ABCC1: variants seen among roughly 807,000 people sequenced by gnomAD.
ABCC1 encodes ATP binding cassette subfamily C member 1 (ABCC1 blood group).
Under a neutral mutation model 172.9 loss-of-function variants are expected in ABCC1, and 83 were observed. The observed-to-expected ratio is 0.48, with a 90% CI of 0.40 to 0.58. The LOEUF (loss-of-function observed/expected upper bound fraction) is 0.58. Among genes scored for constraint, ABCC1 ranks in the 20% least tolerant of loss-of-function variants. ABCC1 has a pLI of 0.00. For synonymous variants in ABCC1, 937 were observed against 825.2 expected (o/e 1.14, Z -2.32); for missense variants, 1,817 against 2,002.7 (o/e 0.91, Z 1.77).
At chr16:16,098,520 G>C (rs2051581371) in intron 19 of ABCC1, among the ~76,000 whole-genome samples, 1 of 152,262 alleles carries the variant, frequency 6.6e-6, no homozygotes, top group African/African-American at 2.4e-5. Flanking sequence ...TTGGGAGGCT[G>C]AGGCTGGAGA....
chr16:16,048,009 G>T (rs2049285397), intron 9 of ABCC1, 133 bp from the exon 10 acceptor site: 3 of 1,167,612 alleles, frequency 2.6e-6, no homozygotes, highest in East Asian at 4.7e-5. Context: ...AGACAGATAG[G>T]TCGGGAGGGG....
At position 15,979,035 on chromosome 16, in the gene ABCC1, G is replaced by A. The variant is rs976936187; in HGVS notation, c.49-28781G>A. On this transcript the variant is annotated intron_variant, in intron 1 of 30. Transcript: ENST00000399410. ...TGGCCAGGCGTGGTGGCTCACACCC[G>A]TAGTCCCAGCACTTCGGGGGGCCCA... Among the ~76,000 whole-genome samples, 24 of 152,112 alleles carry A rather than the reference G, an allele frequency of 1.6e-4. 1 individual carries two copies. The highest frequency in any genetic ancestry group is 3.9e-4 in the African/African-American group (16 of 41,380).
chr16:16,089,609 C>A (rs548235764), intron 18 of ABCC1, among the ~76,000 whole-genome samples: 1 of 151,644 alleles, frequency 6.6e-6, no homozygotes, highest in Admixed American at 6.6e-5. Context: ...GCGGCTCACA[C>A]CTGTAATCCT....
intron 19 of ABCC1, among the ~76,000 whole-genome samples, chr16:16,091,451 G>C: frequency 6.6e-6 from 1 of 151,944 alleles, no homozygotes; most frequent in East Asian, 1.9e-4. Context: ...GCTTTGGAGG[G>C]GAAACAAAAA....
chr16:16,097,261 T>C (rs148590607), intron 19 of ABCC1, among the ~76,000 whole-genome samples: 249 of 152,266 alleles, frequency 1.6e-3, no homozygotes, highest in African/African-American at 5.5e-3. Context: ...TACGGATGCC[T>C]GCCACCACGC....
At chr16:16,050,045 C>T (rs1452513746) in intron 10 of ABCC1, among the ~76,000 whole-genome samples, 1 of 152,128 alleles carries the variant, frequency 6.6e-6, no homozygotes, top group African/African-American at 2.4e-5. Flanking sequence ...AGTGTACTGC[C>T]TCCTCTTTGA....
At chr16:16,128,379 G>A (rs2045533108) in intron 26 of ABCC1, among the ~76,000 whole-genome samples, 1 of 151,946 alleles carries the variant, frequency 6.6e-6, no homozygotes, top group East Asian at 1.9e-4. Flanking sequence ...TCGAACTCCT[G>A]ACCTCGTGAT....
chr16:16,012,114 C>G (rs1317655054), intron 3 of ABCC1, among the ~76,000 whole-genome samples: 4 of 152,190 alleles, frequency 2.6e-5, no homozygotes, highest in African/African-American at 9.7e-5. Context: ...GACCATGATT[C>G]TATATAGCAC....
chr16:15,998,014 G>T (rs568767014), intron 1 of ABCC1, among the ~76,000 whole-genome samples: 81 of 151,702 alleles, frequency 5.3e-4, no homozygotes, highest in African/African-American at 1.7e-3. Context: ...TAGAGATGGG[G>T]TTTCACTATG....
intron 5 of ABCC1, among the ~76,000 whole-genome samples, chr16:16,019,355 C>T (rs143064744): frequency 0.048 from 7,304 of 152,202 alleles, 206 homozygotes; most frequent in Middle Eastern, 0.12. Context: ...CCACCCGCCT[C>T]GGCCTCCCAA....
At chr16:15,978,892 G>A (rs953497234) in intron 1 of ABCC1, among the ~76,000 whole-genome samples, 9 of 152,254 alleles carry the variant, frequency 5.9e-5, no homozygotes, top group Admixed American at 2.6e-4. Flanking sequence ...GTGATACACG[G>A]GACAGACGTA....
chr16:16,033,268 C>T, intron 6 of ABCC1, 98 bp downstream of exon 6: 1 of 1,198,272 alleles, frequency 8.3e-7, no homozygotes, highest in Non-Finnish European at 1.2e-6. Context: ...CCCAACTTCT[C>T]CCTCCTTTGC....
intron 7 of ABCC1, among the ~76,000 whole-genome samples, chr16:16,038,012 T>G (rs1369166382): frequency 6.6e-6 from 1 of 151,982 alleles, no homozygotes; most frequent in African/African-American, 2.4e-5. Flanking sequence ...GGTCCCTGTT[T>G]ATTACAGTTC....
chr16:16,115,137 C>T, intron 23 of ABCC1, 61 bp downstream of exon 23: 2 of 1,524,320 alleles, frequency 1.3e-6, no homozygotes, highest in Non-Finnish European at 1.8e-6. Flanking sequence ...ACCAGTGTTA[C>T]CTAAAGCCTT....
intron 5 of ABCC1, among the ~76,000 whole-genome samples, chr16:16,029,030 A>G (rs1028196949): frequency 6.6e-6 from 1 of 152,028 alleles, no homozygotes; most frequent in Non-Finnish European, 1.5e-5. Flanking sequence ...CTTGGCACTT[A>G]ACAAACTCCT....
At chr16:16,013,758 T>C (rs528714128) in intron 3 of ABCC1, among the ~76,000 whole-genome samples, 3 of 152,130 alleles carry the variant, frequency 2.0e-5, no homozygotes, top group African/African-American at 7.2e-5. Flanking sequence ...GAGGGAGGGA[T>C]GGTGGAGGTG....
intron 1 of ABCC1, among the ~76,000 whole-genome samples, chr16:16,005,293 A>C (rs1368588138): frequency 1.3e-5 from 2 of 151,578 alleles, no homozygotes; most frequent in African/African-American, 4.8e-5. Flanking sequence ...GGCCCCTCCC[A>C]GCTCCTACTG....
Position 16,138,507 on chromosome 16 carries a change from GCACCGTCCTCACC to G in ABCC1, c.4437_4449del (p.Cys1479Ter). 2 of 1,589,148 alleles carry G rather than the reference GCACCGTCCTCACC, an allele frequency of 1.3e-6. No homozygotes were observed. The highest frequency in any genetic ancestry group is 1.7e-6 in the Non-Finnish European group (2 of 1,166,110). On this transcript the variant is annotated frameshift_variant, in exon 30 of 31. Coordinates refer to ENST00000399410, the MANE Select transcript of ABCC1 (RefSeq NM_004996.4). LOFTEE classifies it high-confidence loss of function. ...ACCATCCGGACACAGTTCGAGGACT[GCACCGTCCTCACC>G]ATCGCCCACCGGCTCAACACCATCA...
At chr16:15,983,745 G>A (rs35418200) in intron 1 of ABCC1, among the ~76,000 whole-genome samples, 8 of 151,034 alleles carry the variant, frequency 5.3e-5, no homozygotes, top group Non-Finnish European at 8.8e-5. Flanking sequence ...TATTGGAGAC[G>A]GGGTTTCATC....
Sources: gnomAD v4.1 joint callset for allele counts (sites outside exome capture counted in the v4.1 genomes callset) on GRCh38, gnomAD v4.1.1 for gene constraint, MANE v1.5 for transcripts, NCBI Gene and HGNC (gene_info 2026-07-23, HGNC 2026-07-21) for gene names.